RCOR3: variants seen among roughly 807,000 people sequenced by gnomAD.
RCOR3 encodes the protein REST corepressor 3.
In RCOR3, 13 loss-of-function variants were observed where a neutral mutation model predicts 64.1. That is an observed-to-expected ratio of 0.20 (90% CI 0.13 to 0.32). The LOEUF (loss-of-function observed/expected upper bound fraction) is 0.32. Ranked by LOEUF, RCOR3 falls within the 10% of genes least tolerant of loss-of-function variation. RCOR3 has a pLI of 1.00. For missense variants in RCOR3, 489 were observed against 701.2 expected, an observed-to-expected ratio of 0.70 and a Z score of 3.42; for synonymous variants, 215 against 239.0, an observed-to-expected ratio of 0.90 and a Z score of 0.93.
intron 7 of RCOR3, among the ~76,000 whole-genome samples, 155 bp downstream of exon 7, chr1:211,279,471 A>AGTTAAC (rs1697471095): frequency 6.6e-6 from 1 of 152,222 alleles, no homozygotes; most frequent in Non-Finnish European, 1.5e-5. Context: ...CTAGAACCCC[A>AGTTAAC]GTTAACCAAG....
At chr1:211,278,028 A>G in intron 5 of RCOR3, 89 bp from the exon 6 acceptor site, 2 of 1,171,004 alleles carry the variant, frequency 1.7e-6, no homozygotes, top group Non-Finnish European at 2.4e-6. Context: ...TTTTTTTATT[A>G]TGCCTTTACT....
intron 3 of RCOR3, chr1:211,271,551 A>G: frequency 1.7e-6 from 1 of 586,658 alleles, no homozygotes. Context: ...GAAAAAACCT[A>G]GGATCTGATG....
chr1:211,294,236 A>C (rs1219674424), intron 8 of RCOR3, among the ~76,000 whole-genome samples: 1 of 152,198 alleles, frequency 6.6e-6, no homozygotes, highest in East Asian at 1.9e-4. Context: ...ACCTCAATTC[A>C]CTGTATGTTA....
intron 2 of RCOR3, among the ~76,000 whole-genome samples, chr1:211,265,532 A>G (rs1486338572): frequency 6.6e-6 from 1 of 152,178 alleles, no homozygotes; most frequent in East Asian, 1.9e-4. Context: ...AGCCTGGCCA[A>G]CATGGCAAAA....
chr1:211,286,349 C>T lies in RCOR3; in HGVS notation c.721-2829C>T, dbSNP rs190762191. Among the ~76,000 whole-genome samples, 1,134 of 151,286 alleles carry T rather than the reference C, an allele frequency of 7.5e-3. 9 individuals carry two copies. The highest frequency in any genetic ancestry group is 0.024 in the Middle Eastern group (7 of 292). On this transcript the variant is annotated intron_variant, in intron 7 of 11. Transcript: ENST00000419091. ...TTTTGAGACAGTCTCGCTTTGTCAC[C>T]CAGGCTGGAGTGCAGTGGCGTGATC...
At chr1:211,288,544 T>A (rs1026355964) in intron 7 of RCOR3, among the ~76,000 whole-genome samples, 19 of 146,936 alleles carry the variant, frequency 1.3e-4, no homozygotes, top group African/African-American at 4.7e-4. Flanking sequence ...ATTATAAAAT[T>A]ATTTATAAAT....
At chr1:211,295,790 G>A (rs1387656292) in intron 9 of RCOR3, 37 bp downstream of exon 9, 1 of 1,576,228 alleles carries the variant, frequency 6.3e-7, no homozygotes, top group Non-Finnish European at 8.7e-7. Context: ...TAAGTATAGT[G>A]AAAACTTGTT....
At chr1:211,260,397 G>T (rs1440120182) in intron 2 of RCOR3, among the ~76,000 whole-genome samples, 3 of 152,226 alleles carry the variant, frequency 2.0e-5, no homozygotes, top group Non-Finnish European at 4.4e-5. Flanking sequence ...CCCGCTGGGG[G>T]CATCGCCTTC....
At chr1:211,278,053 T>A in intron 5 of RCOR3, 64 bp from the exon 6 acceptor site, 2 of 693,390 alleles carry the variant, frequency 2.9e-6, no homozygotes, top group Non-Finnish European at 4.0e-6. Flanking sequence ...AGTAAAGATA[T>A]CATCAAAATT....
Position 211,313,932 on chromosome 1 carries a change from G to A in RCOR3, c.*164G>A. ...AAGTGGATGTCTAAGAAATTTTTCA[G>A]TTCACTAGACTAAAATGTTTTACAA... is the stretch of plus-strand genomic sequence containing the variant. On this transcript the variant is annotated 3_prime_UTR_variant, in exon 12 of 12. Coordinates refer to ENST00000419091, the MANE Select transcript of RCOR3 (RefSeq NM_001136223.3). This position sits in a 1 kb window ranked among gnomAD's most constrained non-coding sequence, Gnocchi z 4.7. 1 of 667,776 alleles carries A rather than the reference G, an allele frequency of 1.5e-6. No homozygotes were observed. Among genetic ancestry groups the A allele is most frequent in the Non-Finnish European group, 2.5e-6 (1 of 401,808 alleles). 41.4% of individuals were successfully genotyped at this position (667,776 alleles called of 1,614,324 possible).
chr1:211,293,555 C>G (rs1699499949), intron 8 of RCOR3, among the ~76,000 whole-genome samples: 1 of 152,186 alleles, frequency 6.6e-6, no homozygotes, highest in African/African-American at 2.4e-5. Context: ...CTAATCTTCC[C>G]CACCACCTGT....
intron 10 of RCOR3, among the ~76,000 whole-genome samples, chr1:211,307,934 C>T (rs893528825): frequency 6.6e-6 from 1 of 151,916 alleles, no homozygotes; most frequent in East Asian, 1.9e-4. Context: ...GTAAAAGTTA[C>T]CTTTTCTTGT....
chr1:211,276,415 A>G lies in RCOR3; in HGVS notation c.513A>G (p.Gln171=). Reference sequence around the variant, plus strand: ...GAAAGAGCTTTCACAGGATTCAGCAAATGGTATGGTAATTTTAATCTTACT... The same window carrying G: ...GAAAGAGCTTTCACAGGATTCAGCAGATGGTATGGTAATTTTAATCTTACT... ...FHGKSFHRIQ[Q]MLPDKTIASL... The change falls in exon 5 of 12, where the codon CAA becomes CAG. Residue 171 remains glutamine (Q), a synonymous_variant. Coordinates refer to ENST00000419091, the MANE Select transcript of RCOR3 (RefSeq NM_001136223.3). 3 of 1,612,684 alleles carry G rather than the reference A, an allele frequency of 1.9e-6. No homozygotes were observed. The highest frequency in any genetic ancestry group is 1.7e-6 in the Non-Finnish European group (2 of 1,179,194).
intron 2 of RCOR3, chr1:211,261,168 G>T (rs1192144166): frequency 6.6e-6 from 1 of 152,132 alleles, no homozygotes; most frequent in Non-Finnish European, 1.5e-5. Context: ...TCAGACATTG[G>T]ATTTCTATGT....
Position 211,284,502 on chromosome 1 carries a change from C to CTTTATTTATTTA in RCOR3, c.721-4662_721-4651dup, listed in dbSNP as rs71767571. Reference sequence around the variant, plus strand: ...AAGTTCATGTTGTGAGGTAGAGATCCTTTATTTATTTATTTATTTATTTAT... The same window carrying CTTTATTTATTTA: ...AAGTTCATGTTGTGAGGTAGAGATCCTTTATTTATTTATTTATTTATTTATTTATTTATTTAT... On this transcript the variant is annotated intron_variant, in intron 7 of 11. Transcript: ENST00000419091. Among the ~76,000 whole-genome samples, 343 of 135,092 alleles carry CTTTATTTATTTA rather than the reference C, an allele frequency of 2.5e-3. 2 individuals are homozygous for CTTTATTTATTTA. The highest frequency in any genetic ancestry group is 0.012 in the Middle Eastern group (3 of 254). The allele number at this position is 135,092 out of a possible 152,430, so 88.6% of individuals were successfully genotyped here.
At position 211,259,619 on chromosome 1, in the gene RCOR3, G is replaced by A. The variant is rs1168782963; in HGVS notation, c.59G>A (p.Gly20Asp). 1.9e-6 allele frequency: 3 copies of A among 1,548,200 alleles called. No individual in the cohort carries two copies. The African/African-American group carries it at 4.1e-5, about 21-fold the overall frequency. Reference sequence around the variant, plus strand: ...CTGGGGAAGAACCGATCGGCCAACGGCAGCGCCAAGAGCCCGGCAGGCGGC... The same window carrying A: ...CTGGGGAAGAACCGATCGGCCAACGACAGCGCCAAGAGCCCGGCAGGCGGC... ...ELLGKNRSANGSAKSPAGGGG... is the reference protein window; with the variant it reads ...ELLGKNRSANDSAKSPAGGGG... The change falls in exon 1 of 12, where the codon GGC (glycine) becomes GAC (aspartate). Residue 20 changes from glycine to aspartate, a missense_variant. Gly to Asp is a moderately conservative substitution (Grantham distance 94). Transcript: ENST00000419091.
At position 211,260,224 on chromosome 1, in the gene RCOR3, G is replaced by A. The variant is rs956810409; in HGVS notation, c.223+60G>A. 3.9e-6 allele frequency: 6 copies of A among 1,523,246 alleles called. No homozygotes were observed. In the African/African-American group the frequency reaches 8.2e-5, roughly 21 times the overall value. The allele number at this position is 1,523,246 out of a possible 1,614,324, so 94.4% of individuals were successfully genotyped here. A position where few individuals can be genotyped will look rare whatever the true frequency, so the allele number is the denominator to read the frequency against. ...CCTTTCCTGGGCTTGGTTTGGGGTGGACGGGCTAGGAGTCCGGGCATGGGG... is the reference window on the plus strand; with the variant it reads ...CCTTTCCTGGGCTTGGTTTGGGGTGAACGGGCTAGGAGTCCGGGCATGGGG... On this transcript the variant is annotated intron_variant, in intron 2 of 11. Transcript: ENST00000419091.
intron 2 of RCOR3, among the ~76,000 whole-genome samples, chr1:211,263,665 C>T (rs1489642896): frequency 1.3e-5 from 2 of 152,156 alleles, no homozygotes; most frequent in Non-Finnish European, 2.9e-5. Flanking sequence ...CAGGGAAATA[C>T]TGGGCCTCTG....
chr1:211,280,453 TG>T (rs1352061960), intron 7 of RCOR3, among the ~76,000 whole-genome samples: 2 of 152,234 alleles, frequency 1.3e-5, no homozygotes, highest in African/African-American at 4.8e-5. Context: ...ACCTGGTATA[TG>T]GCAAATATTC....
Sources: gnomAD v4.1 joint callset for allele counts (sites outside exome capture counted in the v4.1 genomes callset) on GRCh38, gnomAD v4.1.1 for gene constraint, Gnocchi (gnomAD v3.1) non-coding constraint, MANE v1.5 for transcripts, NCBI Gene and HGNC (gene_info 2026-07-23, HGNC 2026-07-21) for gene names.